Variants in TENM4 observed in about 807,000 individuals in gnomAD.
TENM4 encodes the protein teneurin-4.
A neutral mutation model predicts 243.3 loss-of-function variants in TENM4; 82 were observed. That is an observed-to-expected ratio of 0.34 (90% CI 0.28 to 0.40). TENM4 has a LOEUF of 0.40. TENM4 is among the 10% of genes least tolerant of loss of function. TENM4 has a pLI of 1.00. For missense variants in TENM4, 3,138 were observed against 3,673.3 expected (o/e 0.85, Z 3.77); for synonymous variants, 1,412 against 1,456.3 (o/e 0.97, Z 0.69).
chr11:78,708,559 A>G, intron 26 of TENM4, 44 bp from the exon 27 acceptor site: 1 of 1,601,082 alleles, frequency 6.2e-7, no homozygotes, highest in South Asian at 1.1e-5. Flanking sequence ...ATCAGAGATG[A>G]CAATGACCCG....
intron 19 of TENM4, among the ~76,000 whole-genome samples, chr11:78,743,557 G>A (rs190586405): frequency 1.4e-4 from 21 of 152,276 alleles, no homozygotes; most frequent in African/African-American, 4.6e-4. Flanking sequence ...ACAGGGATAT[G>A]GTTAGAGAAC....
chr11:79,376,637 T>C (rs1353756862), intron 1 of TENM4, among the ~76,000 whole-genome samples: 3 of 152,200 alleles, frequency 2.0e-5, no homozygotes, highest in South Asian at 2.1e-4. Context: ...AATGAATGAA[T>C]GAATGAACGA....
At chr11:79,223,872 G>A (rs1041701054) in intron 2 of TENM4, among the ~76,000 whole-genome samples, 5 of 152,156 alleles carry the variant, frequency 3.3e-5, no homozygotes, top group African/African-American at 1.2e-4. Context: ...GGTGCTGTGC[G>A]TCAATTATTT....
chr11:78,706,695 G>A (rs370709801), intron 27 of TENM4, among the ~76,000 whole-genome samples: 2 of 152,062 alleles, frequency 1.3e-5, no homozygotes, highest in African/African-American at 2.4e-5. Context: ...CCTTTGATCC[G>A]GCTGCTTGGC....
intron 6 of TENM4, among the ~76,000 whole-genome samples, chr11:78,927,675 G>A (rs775257957): frequency 9.9e-5 from 15 of 152,150 alleles, no homozygotes; most frequent in Non-Finnish European, 2.2e-4. Flanking sequence ...CCTGTGTTAA[G>A]GCAAAGGGCT....
intron 4 of TENM4, among the ~76,000 whole-genome samples, chr11:79,083,283 C>T (rs191995648): frequency 3.9e-5 from 6 of 152,316 alleles, no homozygotes; most frequent in South Asian, 2.1e-4. Flanking sequence ...CTTCGGCCTC[C>T]GTGCATTCTG....
intron 2 of TENM4, among the ~76,000 whole-genome samples, chr11:79,231,145 C>A (rs954100951): frequency 6.6e-6 from 1 of 152,024 alleles, no homozygotes; most frequent in Non-Finnish European, 1.5e-5. Flanking sequence ...ATGGAACTGG[C>A]AAAATATTTG....
chr11:79,064,322 C>T (rs1269101110), intron 6 of TENM4, among the ~76,000 whole-genome samples: 3 of 152,276 alleles, frequency 2.0e-5, no homozygotes, highest in East Asian at 1.9e-4. Context: ...TGTGGGACAG[C>T]GTTCCTAGAG....
intron 4 of TENM4, among the ~76,000 whole-genome samples, chr11:79,100,512 T>C (rs945166576): frequency 6.6e-6 from 1 of 152,170 alleles, no homozygotes; most frequent in Non-Finnish European, 1.5e-5. Context: ...TCATAGCTAG[T>C]TGTGGGGCAG....
intron 4 of TENM4, among the ~76,000 whole-genome samples, chr11:79,123,009 A>G (rs1591298846): frequency 6.6e-6 from 1 of 152,224 alleles, no homozygotes; most frequent in East Asian, 1.9e-4. Flanking sequence ...CTGGAAATGA[A>G]GCAACGTCAT....
Position 78,657,571 on chromosome 11 carries a change from C to T in TENM4, c.*487G>A, listed in dbSNP as rs967065640. ...CCAAGGAGCCTCAGGTCCTACAGACCCTCCTCCCAGGCCCCCTTGGAAGGG... is the reference window on the plus strand; with the variant it reads ...CCAAGGAGCCTCAGGTCCTACAGACTCTCCTCCCAGGCCCCCTTGGAAGGG... On this transcript the variant is annotated 3_prime_UTR_variant, in exon 34 of 34. Coordinates refer to ENST00000278550, the MANE Select transcript of TENM4 (RefSeq NM_001098816.3). The T allele has an allele frequency of 7.6e-6, 2 of 263,946 alleles. No individual in the cohort carries two copies. The highest frequency in any genetic ancestry group is 4.9e-5 in the Admixed American group (1 of 20,340). The allele number at this position is 263,946 out of a possible 1,614,324, so 16.4% of individuals were successfully genotyped here.
At chr11:78,875,896 C>T (rs1859258889) in intron 9 of TENM4, among the ~76,000 whole-genome samples, 1 of 152,218 alleles carries the variant, frequency 6.6e-6, no homozygotes, top group South Asian at 2.1e-4. Flanking sequence ...GTTACATCAG[C>T]TTAGGCTTTG....
At position 78,814,392 on chromosome 11, in the gene TENM4, G is replaced by A. The variant is rs767518041; in HGVS notation, c.1685C>T (p.Ser562Leu). The A allele has an allele frequency of 8.3e-5, 129 of 1,548,166 alleles. No individual in the cohort carries two copies. The highest frequency in any genetic ancestry group is 1.0e-4 in the Non-Finnish European group (115 of 1,145,632). The part of the protein sequence containing the change: ...VVSFLTTAIE[S>L]VDNCPSNCYG... Reference sequence around the variant, plus strand: ...GCAGTTGCTGGGGCAGTTATCCACCGACTCTGGGGAGAGAAAGGAGAAGGA... The same window carrying A: ...GCAGTTGCTGGGGCAGTTATCCACCAACTCTGGGGAGAGAAAGGAGAAGGA... Residue 562 changes from serine (S) to leucine (L), a missense_variant, in exon 13 of 34, where the codon TCG becomes TTG. Physicochemically the swap from Ser to Leu is moderately radical, Grantham distance 145. Coordinates refer to ENST00000278550, the MANE Select transcript of TENM4 (RefSeq NM_001098816.3).
intron 2 of TENM4, among the ~76,000 whole-genome samples, chr11:79,248,769 C>T (rs1417158441): frequency 6.6e-6 from 1 of 151,994 alleles, no homozygotes; most frequent in Non-Finnish European, 1.5e-5. Flanking sequence ...ACTTTTTCTG[C>T]AGAGACTTTT....
intron 12 of TENM4, among the ~76,000 whole-genome samples, chr11:78,816,667 G>A (rs907456324): frequency 2.6e-5 from 4 of 152,224 alleles, no homozygotes; most frequent in Non-Finnish European, 4.4e-5. Flanking sequence ...AACCAGTAGA[G>A]TCAGATTTGA....
At chr11:79,376,708 T>TC (rs1857899362) in intron 1 of TENM4, among the ~76,000 whole-genome samples, 1 of 152,188 alleles carries the variant, frequency 6.6e-6, no homozygotes, top group African/African-American at 2.4e-5. Flanking sequence ...TGTATGTCCC[T>TC]CCCCCAGGAC....
chr11:79,045,827 C>G (rs1859642852), intron 6 of TENM4, among the ~76,000 whole-genome samples: 1 of 151,584 alleles, frequency 6.6e-6, no homozygotes, highest in Non-Finnish European at 1.5e-5. Context: ...TAAAATACAA[C>G]AGGTATTTGG....
chr11:79,061,275 A>G (rs1860078714), intron 6 of TENM4, among the ~76,000 whole-genome samples: 1 of 152,206 alleles, frequency 6.6e-6, no homozygotes, highest in Admixed American at 6.5e-5. Flanking sequence ...GTAACTTCCT[A>G]ACCAGGAGCA....
At chr11:78,751,042 G>A (rs1408226365) in intron 19 of TENM4, among the ~76,000 whole-genome samples, 1 of 152,114 alleles carries the variant, frequency 6.6e-6, no homozygotes, top group Non-Finnish European at 1.5e-5. Context: ...ACCACACCTG[G>A]CTAATTTTTT....
Sources: gnomAD v4.1 joint callset for allele counts (sites outside exome capture counted in the v4.1 genomes callset) on GRCh38, gnomAD v4.1.1 for gene constraint, MANE v1.5 for transcripts, NCBI Gene and HGNC (gene_info 2026-07-23, HGNC 2026-07-21) for gene names.